CUL3: variants seen among roughly 807,000 people sequenced by gnomAD.
The protein encoded by CUL3 is cullin 3.
In CUL3, 19 loss-of-function variants were observed where a neutral mutation model predicts 89.1. That is an observed-to-expected ratio of 0.21 (90% confidence interval 0.15 to 0.31). CUL3 has a LOEUF of 0.31. Ranked by LOEUF, CUL3 falls within the 10% of genes least tolerant of loss-of-function variation. The pLI is 1.00. For missense variants in CUL3, 469 were observed against 942.3 expected (o/e 0.50, Z 6.58); for synonymous variants, 351 against 308.4 (o/e 1.14, Z -1.45).
rs555712379 is a variant in CUL3, at chr2:224,509,653, T to C, written c.883+1701A>G. Among the ~76,000 whole-genome samples the C allele has an allele frequency of 2.0e-5, 3 of 152,362 alleles. No individual in the cohort carries two copies. The South Asian group carries it at 6.2e-4, about 32-fold the overall frequency. On this transcript the variant is annotated intron_variant, in intron 6 of 15. Transcript: ENST00000264414. ...TCATTCACGTAAGTGCTCGCCATGA[T>C]AGGCATACCTGACACCTTTTACATA...
In CUL3 at chr2:224,471,779, G is replaced by C. The variant is rs1034243226; in HGVS notation, c.*2466C>G. The C allele has an allele frequency of 4.4e-6, 1 of 227,046 alleles. No homozygotes were observed. Among genetic ancestry groups the C allele is most frequent in the Non-Finnish European group, 8.7e-6 (1 of 114,368 alleles). The allele number at this position is 227,046 out of a possible 1,614,324, so 14.1% of individuals were successfully genotyped here. On this transcript the variant is annotated 3_prime_UTR_variant, in exon 16 of 16. Coordinates refer to ENST00000264414, the MANE Select transcript of CUL3 (RefSeq NM_003590.5). ...TCAAAATAAACACTGTCCTGGACTTGATAATGAAGGCAGAGAATTACACTT... is the reference window on the plus strand; with the variant it reads ...TCAAAATAAACACTGTCCTGGACTTCATAATGAAGGCAGAGAATTACACTT...
At chr2:224,520,317 T>C (rs1483835318) in intron 3 of CUL3, among the ~76,000 whole-genome samples, 2 of 152,246 alleles carry the variant, frequency 1.3e-5, no homozygotes. Context: ...GGTGGACCTG[T>C]GGTGAGAGAC....
intron 1 of CUL3, chr2:224,569,862 G>T: frequency 1.0e-6 from 1 of 968,114 alleles, no homozygotes; most frequent in Non-Finnish European, 1.2e-6. Context: ...GGGGGAAAGG[G>T]TGAGAATTTG....
intron 15 of CUL3, among the ~76,000 whole-genome samples, chr2:224,477,461 T>G (rs1691366746): frequency 6.6e-6 from 1 of 152,230 alleles, no homozygotes; most frequent in African/African-American, 2.4e-5. Context: ...CACCTGTAGT[T>G]TTAACTGCAT....
chr2:224,521,945 T>C (rs917786604), intron 3 of CUL3, among the ~76,000 whole-genome samples: 6 of 152,030 alleles, frequency 3.9e-5, no homozygotes, highest in African/African-American at 1.2e-4. Flanking sequence ...TTTTGTCTAC[T>C]ACTGTAAAAG....
chr2:224,520,611 C>T (rs1693225923), intron 3 of CUL3, among the ~76,000 whole-genome samples: 2 of 152,160 alleles, frequency 1.3e-5, no homozygotes, highest in Non-Finnish European at 2.9e-5. Flanking sequence ...AGGCAGGTCT[C>T]CAGGAGTTGG....
intron 8 of CUL3, 196 bp from the exon 9 acceptor site, chr2:224,504,018 C>G (rs1007518651): frequency 6.6e-6 from 3 of 451,148 alleles, no homozygotes; most frequent in Non-Finnish European, 1.2e-5. Flanking sequence ...TCATTTAGTG[C>G]ATCATGAATG....
At position 224,471,258 on chromosome 2, in the gene CUL3, T is replaced by C. The variant is rs923140895; in HGVS notation, c.*2987A>G. The C allele has an allele frequency of 5.3e-5, 11 of 206,158 alleles. No homozygotes were observed. Among genetic ancestry groups the C allele is most frequent in the Non-Finnish European group, 9.9e-5 (10 of 101,160 alleles). 12.8% of individuals were successfully genotyped at this position (206,158 alleles called of 1,614,324 possible). The stretch of plus-strand genomic sequence containing the variant: ...TTGACACAATATACCATATACTCTA[T>C]AAAAAATTATTCTATGAAAGTCTTA... On this transcript the variant is annotated 3_prime_UTR_variant, in exon 16 of 16. Transcript: ENST00000264414.
At chr2:224,521,337 G>T (rs1371291141) in intron 3 of CUL3, among the ~76,000 whole-genome samples, 1 of 151,974 alleles carries the variant, frequency 6.6e-6, no homozygotes, top group Non-Finnish European at 1.5e-5. Context: ...TGAAAGCTTA[G>T]TATAAATATA....
chr2:224,577,106 T>G (rs556220771), intron 1 of CUL3, among the ~76,000 whole-genome samples: 5 of 152,364 alleles, frequency 3.3e-5, no homozygotes, highest in African/African-American at 1.2e-4. Context: ...ATTTTAATAT[T>G]GGCCTAATCG....
intron 2 of CUL3, among the ~76,000 whole-genome samples, chr2:224,555,524 A>AT (rs1694667575): frequency 6.6e-6 from 1 of 152,152 alleles, no homozygotes; most frequent in Non-Finnish European, 1.5e-5. Flanking sequence ...AAAACCTCCA[A>AT]TAACTGTCTA....
At chr2:224,560,807 C>T (rs1694878156) in intron 1 of CUL3, 1 of 152,234 alleles carries the variant, frequency 6.6e-6, no homozygotes, top group African/African-American at 2.4e-5. Flanking sequence ...AATGAGTTCT[C>T]ATTTCCCCTG....
At chr2:224,500,815 G>A (rs982047463) in intron 10 of CUL3, among the ~76,000 whole-genome samples, 13 of 151,606 alleles carry the variant, frequency 8.6e-5, no homozygotes, top group Non-Finnish European at 1.8e-4. Context: ...GTAGAGACGG[G>A]GTTTCTCCAT....
chr2:224,520,693 T>A (rs1290074448), intron 3 of CUL3, among the ~76,000 whole-genome samples: 4 of 152,070 alleles, frequency 2.6e-5, no homozygotes, highest in Admixed American at 2.6e-4. Context: ...CATGGAAAAC[T>A]CCTGCAAATG....
chr2:224,495,765 A>G, intron 13 of CUL3, 67 bp downstream of exon 13: 1 of 1,366,316 alleles, frequency 7.3e-7, no homozygotes. Flanking sequence ...TTCAAATAAG[A>G]AAGACTCAAG....
chr2:224,478,562 T>A (rs1489767727), intron 14 of CUL3: 1 of 408,636 alleles, frequency 2.4e-6, no homozygotes, highest in Non-Finnish European at 4.3e-6. Context: ...TTTGAGATAA[T>A]AAAGTTGATT....
chr2:224,488,741 A>T (rs942902345), intron 13 of CUL3, among the ~76,000 whole-genome samples: 6 of 152,184 alleles, frequency 3.9e-5, no homozygotes, highest in African/African-American at 1.4e-4. Flanking sequence ...AAAAAGAGGG[A>T]CTTCACCTTA....
intron 1 of CUL3, chr2:224,569,641 C>T (rs1695133376): frequency 1.0e-6 from 1 of 984,574 alleles, no homozygotes; most frequent in South Asian, 3.0e-5. Context: ...AAAATATAAC[C>T]TTCAAAATGC....
At chr2:224,504,168 C>T in intron 8 of CUL3, 1 of 171,686 alleles carries the variant, frequency 5.8e-6, no homozygotes, top group Non-Finnish European at 1.2e-5. Flanking sequence ...GAAGCCTTTG[C>T]ATATGCAGGC....
Sources: gnomAD v4.1 joint callset for allele counts (sites outside exome capture counted in the v4.1 genomes callset) on GRCh38, gnomAD v4.1.1 for gene constraint, MANE v1.5 for transcripts, NCBI Gene and HGNC (gene_info 2026-07-23, HGNC 2026-07-21) for gene names.